LARP4B: variants seen among roughly 807,000 people sequenced by gnomAD.
LARP4B encodes la-related protein 4B.
A neutral mutation model predicts 89.8 loss-of-function variants in LARP4B; 12 were observed. The ratio of observed to expected loss-of-function variants is 0.13; its 90% CI spans 0.09 to 0.22. LARP4B has a LOEUF of 0.22. LARP4B is among the 10% of genes least tolerant of loss of function. The pLI is 1.00. For missense variants in LARP4B, 757 were observed against 947.7 expected (o/e 0.80, Z 2.64); for synonymous variants, 367 against 363.3 (o/e 1.01, Z -0.12).
At chr10:968,783 C>T in the LARP4B span, among the ~76,000 whole-genome samples, 28 of 152,360 alleles carry the variant, frequency 1.8e-4, no homozygotes, top group South Asian at 1.9e-3. Flanking sequence ...TGGGCGTGAG[C>T]GCCTTCGCGT....
chr10:924,574 C>A (rs995436629), intron 1 of LARP4B: 32 of 152,718 alleles, frequency 2.1e-4, no homozygotes, highest in African/African-American at 7.5e-4. Context: ...TCTCCACCTA[C>A]CTCCCAGCCG....
intron 1 of LARP4B, among the ~76,000 whole-genome samples, chr10:889,281 G>C (rs1835948431): frequency 6.6e-6 from 1 of 152,058 alleles, no homozygotes; most frequent in African/African-American, 2.4e-5. Flanking sequence ...TTCCAGTTCA[G>C]GGTAACAGGT....
chr10:896,611 GTTA>G (rs750560665), intron 1 of LARP4B, among the ~76,000 whole-genome samples: 3 of 152,128 alleles, frequency 2.0e-5, no homozygotes, highest in African/African-American at 7.2e-5. Context: ...TAATGGGTTT[GTTA>G]TTATTAAAAA....
At chr10:903,053 T>A (rs1836387883) in intron 1 of LARP4B, among the ~76,000 whole-genome samples, 2 of 152,242 alleles carry the variant, frequency 1.3e-5, no homozygotes, top group Non-Finnish European at 2.9e-5. Context: ...CCATCAGCAT[T>A]TTATTCCATT....
intron 3 of LARP4B, among the ~76,000 whole-genome samples, chr10:870,831 T>G (rs555378419): frequency 2.2e-4 from 33 of 152,376 alleles, no homozygotes; most frequent in African/African-American, 7.2e-4. Flanking sequence ...TTACCACCAC[T>G]AACAGAATTC....
At chr10:882,040 A>T (rs1054053695) in intron 3 of LARP4B, among the ~76,000 whole-genome samples, 1 of 152,066 alleles carries the variant, frequency 6.6e-6, no homozygotes, top group Non-Finnish European at 1.5e-5. Context: ...GACACAGAGC[A>T]TGTTTGTGCC....
chr10:860,818 G>A (rs1368010035), intron 5 of LARP4B, among the ~76,000 whole-genome samples: 4 of 151,670 alleles, frequency 2.6e-5, no homozygotes, highest in Non-Finnish European at 5.9e-5. Context: ...TTTTTTTAAA[G>A]AGAAAAAAAA....
chr10:859,276 C>A (rs201980964), intron 5 of LARP4B, among the ~76,000 whole-genome samples: 207 of 141,292 alleles, frequency 1.5e-3, no homozygotes, highest in South Asian at 2.0e-3. Context: ...TATTCCATTT[C>A]AAAAAAAAAA....
chr10:922,991 C>T (rs998169263), intron 1 of LARP4B, among the ~76,000 whole-genome samples: 3 of 152,000 alleles, frequency 2.0e-5, no homozygotes, highest in Admixed American at 6.6e-5. Context: ...AGGAGAATGG[C>T]GTGAACCTGG....
intron 7 of LARP4B, among the ~76,000 whole-genome samples, chr10:839,390 C>T (rs544150900): frequency 7.5e-4 from 114 of 152,264 alleles, no homozygotes; most frequent in Non-Finnish European, 1.4e-3. Flanking sequence ...ACTTTGCTTA[C>T]AATTTTGCTG....
chr10:909,027 G>A (rs543268238), intron 1 of LARP4B, among the ~76,000 whole-genome samples: 1 of 152,142 alleles, frequency 6.6e-6, no homozygotes, highest in Non-Finnish European at 1.5e-5. Flanking sequence ...AGGCGCGGTG[G>A]CTCATGCCTG....
At position 885,940 on chromosome 10, in the gene LARP4B, ATAAG is replaced by A. The variant is rs1385614723; in HGVS notation, c.-39-184_-39-181del. Among the ~76,000 whole-genome samples, 3 of 152,346 alleles carry A rather than the reference ATAAG, an allele frequency of 2.0e-5. No homozygotes were observed. In the East Asian group the frequency reaches 5.8e-4, roughly 29 times the overall value. Reference sequence around the variant, plus strand: ...CAAGAAGTGATACTTAATTTTTTAAATAAGTAAGTTTCTTCTTCACACCATTTTG... The same window carrying A: ...CAAGAAGTGATACTTAATTTTTTAAATAAGTTTCTTCTTCACACCATTTTG... On this transcript the variant is annotated intron_variant, in intron 1 of 17. Transcript: ENST00000316157.
At chr10:828,966 A>T (rs1009965901) in intron 11 of LARP4B, among the ~76,000 whole-genome samples, 7 of 152,160 alleles carry the variant, frequency 4.6e-5, no homozygotes, top group Non-Finnish European at 1.0e-4. Flanking sequence ...CTGTCGACCA[A>T]CTCTAATGCT....
intron 1 of LARP4B, among the ~76,000 whole-genome samples, chr10:895,182 T>C (rs1170298024): frequency 1.3e-5 from 2 of 151,166 alleles, no homozygotes; most frequent in African/African-American, 4.9e-5. Context: ...TGAGACTCAG[T>C]CTCAAAAAAT....
intron 5 of LARP4B, among the ~76,000 whole-genome samples, chr10:860,188 G>C (rs1834527253): frequency 1.3e-5 from 2 of 151,970 alleles, no homozygotes; most frequent in African/African-American, 2.4e-5. Context: ...CTGTGAACCT[G>C]AAAGTGCTCT....
Position 931,644 on chromosome 10 carries a change from T to C in LARP4B, c.-256A>G. ...TCTTCCCCTTTCGGGCCCGAAAATG[T>C]CTCAACCCCGGGACTCCAGATCCCC... On this transcript the variant is annotated 5_prime_UTR_variant, in exon 1 of 18. Coordinates refer to ENST00000316157, the MANE Select transcript of LARP4B (RefSeq NM_015155.3). 1 of 154,316 alleles carries C rather than the reference T, an allele frequency of 6.5e-6. No homozygotes were observed. Among genetic ancestry groups the C allele is most frequent in the Admixed American group, 6.6e-5 (1 of 15,210 alleles). 9.6% of individuals were successfully genotyped at this position (154,316 alleles called of 1,614,324 possible). A position where few individuals can be genotyped will look rare whatever the true frequency, so the allele number is the denominator to read the frequency against.
intron 1 of LARP4B, among the ~76,000 whole-genome samples, chr10:906,117 T>C (rs190333656): frequency 2.0e-5 from 3 of 152,360 alleles, no homozygotes; most frequent in Non-Finnish European, 4.4e-5. Flanking sequence ...TTAGATATTA[T>C]TTCTTTCCCA....
chr10:826,991 A>C (rs761626302), intron 11 of LARP4B, among the ~76,000 whole-genome samples: 1 of 152,122 alleles, frequency 6.6e-6, no homozygotes, highest in Non-Finnish European at 1.5e-5. Flanking sequence ...TACATCACAC[A>C]TGGCCGGGCG....
chr10:987,187 A>T, the LARP4B span: 1 of 152,244 alleles, frequency 6.6e-6, no homozygotes, highest in South Asian at 2.1e-4. Context: ...TAGCCAGCAA[A>T]TCCTAATTAC....
Sources: gnomAD v4.1 joint callset for allele counts (sites outside exome capture counted in the v4.1 genomes callset) on GRCh38, gnomAD v4.1.1 for gene constraint, MANE v1.5 for transcripts, NCBI Gene and HGNC (gene_info 2026-07-23, HGNC 2026-07-21) for gene names.